MYO15A: variants seen among roughly 807,000 people sequenced by gnomAD.
MYO15A encodes unconventional myosin-XV.
A neutral mutation model predicts 394.6 loss-of-function variants in MYO15A; 308 were observed. That is an observed-to-expected ratio of 0.78 (90% CI 0.71 to 0.86). The LOEUF is 0.86. Ranked by LOEUF, MYO15A falls within the 40% of genes least tolerant of loss-of-function variation. The pLI is 0.00. For synonymous variants in MYO15A, 1,957 were observed against 2,003.8 expected, an observed-to-expected ratio of 0.98 and a Z score of 0.62; for missense variants, 4,606 against 4,799.1, an observed-to-expected ratio of 0.96 and a Z score of 1.19.
chr17:18,163,430 C>T, intron 59 of MYO15A, 109 bp downstream of exon 59: 6 of 1,147,778 alleles, frequency 5.2e-6, no homozygotes, highest in Non-Finnish European at 7.8e-6. Context: ...TGAGCCCTCC[C>T]AGGCTCTCCC....
chr17:18,154,101 A>G, intron 43 of MYO15A, 30 bp from the exon 44 acceptor site: 1 of 1,613,426 alleles, frequency 6.2e-7, no homozygotes, highest in South Asian at 1.1e-5. Context: ...GGGCAGTCGG[A>G]CAGTACCCAC....
At chr17:18,124,455 G>A (rs371831655) in intron 2 of MYO15A, 28 bp from the exon 3 acceptor site, 33 of 1,605,098 alleles carry the variant, frequency 2.1e-5, no homozygotes, top group Admixed American at 3.3e-5. Context: ...CCTTCAACCT[G>A]CAGACACAGC....
chr17:18,136,719 A>G, intron 15 of MYO15A, 33 bp downstream of exon 15: 1 of 1,565,528 alleles, frequency 6.4e-7, no homozygotes, highest in Non-Finnish European at 8.6e-7. Flanking sequence ...GGGGCGGGGG[A>G]CATAGGCAAG....
chr17:18,158,791 T>A (rs951734823), intron 52 of MYO15A, 134 bp from the exon 53 acceptor site: 8 of 1,386,006 alleles, frequency 5.8e-6, no homozygotes, highest in Non-Finnish European at 8.2e-6. Context: ...TGCCTGCCTC[T>A]GGGGGTCTTC....
At chr17:18,157,286 C>T (rs769450241) in intron 50 of MYO15A, 56 bp downstream of exon 50, 73 of 1,552,592 alleles carry the variant, frequency 4.7e-5, no homozygotes, top group South Asian at 4.4e-4. Flanking sequence ...TTCACCCACT[C>T]GTGGTGCAGA....
At chr17:18,139,087 T>A in intron 18 of MYO15A, 151 bp downstream of exon 18, 1 of 1,191,684 alleles carries the variant, frequency 8.4e-7, no homozygotes, top group Non-Finnish European at 1.2e-6. Flanking sequence ...GCAAATTGCT[T>A]AGCCAGTCTG....
Position 18,153,806 on chromosome 17 carries a change from G to A in MYO15A, c.7998G>A (p.Glu2666=). ...CCTCGCGATCGCTGGAGCCCCCTGA[G>A]GAACTCACGCAGACGCGGCTGCACC... ...ALPSRSLEPP[E]ELTQTRLHRL... is the part of the protein sequence containing the mutation. The change falls in exon 43 of 66, where the codon GAG becomes GAA. Residue 2666 remains glutamate, a synonymous_variant. Coordinates refer to ENST00000647165, the MANE Select transcript of MYO15A (RefSeq NM_016239.4). The surrounding 1 kb of genome is among the most constrained non-coding windows in gnomAD (Gnocchi z 4.1). 6.2e-7 allele frequency: 1 copy of A among 1,613,828 alleles called. No individual in the cohort carries two copies. Among genetic ancestry groups the A allele is most frequent in the Non-Finnish European group, 8.5e-7 (1 of 1,180,026 alleles).
rs1471937980 is a variant in MYO15A at position 18,120,626 on chromosome 17, G to A, written c.1826G>A (p.Arg609His). ...GCTGTCAGGGAGGCGGCCTACAAAC[G>A]CTTCGGCTACAAGCTGGCTGGCATG... ...GPAVREAAYK[R>H]FGYKLAGMDP... The change falls in exon 2 of 66, where the codon CGC becomes CAC. Residue 609 changes from arginine (R) to histidine (H), a missense_variant. Physicochemically the swap from Arg to His is conservative, Grantham distance 29. Around this residue, in one of 2 missense-constraint regions of MYO15A, gnomAD observed 1,830 missense variants for 1,689.7 expected, o/e 1.08. Transcript: ENST00000647165. 3.8e-6 allele frequency: 6 copies of A among 1,597,062 alleles called. No individual in the cohort carries two copies. The highest frequency in any genetic ancestry group is 3.4e-6 in the Non-Finnish European group (4 of 1,174,456).
intron 42 of MYO15A, 44 bp downstream of exon 42, chr17:18,152,228 T>C (rs561889635): frequency 8.5e-6 from 13 of 1,530,660 alleles, no homozygotes; most frequent in Non-Finnish European, 1.1e-5. Flanking sequence ...TCCAAGTATA[T>C]GAGGAAGTCT....
In MYO15A at chr17:18,121,605, C is replaced by A; in HGVS notation, c.2805C>A (p.Pro935=). The change falls in exon 2 of 66, where the codon CCC becomes CCA. Residue 935 remains proline, a synonymous_variant. Coordinates refer to ENST00000647165, the MANE Select transcript of MYO15A (RefSeq NM_016239.4). The surrounding 1 kb of genome is among the most constrained non-coding windows in gnomAD (Gnocchi z 5.3). ...LAPSWDVDMP[P]TQRPPSPWPG... Reference sequence around the variant, plus strand: ...CCAGCTGGGACGTGGACATGCCTCCCACCCAACGCCCACCCTCCCCCTGGC... The same window carrying A: ...CCAGCTGGGACGTGGACATGCCTCCAACCCAACGCCCACCCTCCCCCTGGC... 1 of 1,598,366 alleles carries A rather than the reference C, an allele frequency of 6.3e-7. No homozygotes were observed. Among genetic ancestry groups the A allele is most frequent in the East Asian group, 2.3e-5 (1 of 44,384 alleles).
At chr17:18,127,928 G>A (rs2142287265) in intron 7 of MYO15A, among the ~76,000 whole-genome samples, 1 of 151,302 alleles carries the variant, frequency 6.6e-6, no homozygotes, top group South Asian at 2.1e-4. Context: ...AAAAAGTGAA[G>A]AGAAGGGTGG....
intron 1 of MYO15A, among the ~76,000 whole-genome samples, chr17:18,115,988 T>C (rs1018761976): frequency 1.3e-5 from 2 of 152,218 alleles, no homozygotes; most frequent in African/African-American, 2.4e-5. Context: ...CACCCACATA[T>C]GGTAACTGCA....
intron 29 of MYO15A, among the ~76,000 whole-genome samples, chr17:18,144,825 C>G (rs1022833649): frequency 3.4e-5 from 5 of 148,986 alleles, no homozygotes; most frequent in Admixed American, 6.7e-5. Context: ...AAAAATTCTG[C>G]CTTGGAGCCT....
intron 52 of MYO15A, 45 bp downstream of exon 52, chr17:18,158,683 G>A (rs747226995): frequency 7.2e-5 from 116 of 1,601,124 alleles, no homozygotes; most frequent in Non-Finnish European, 9.7e-5. Context: ...GAGGGTGCTG[G>A]GCTTCTTGCT....
intron 18 of MYO15A, chr17:18,139,284 C>T (rs1597789516): frequency 1.6e-6 from 1 of 618,268 alleles, no homozygotes; most frequent in Non-Finnish European, 3.0e-6. Context: ...GATTCCATGC[C>T]TCTGTCCCCA....
Position 18,148,622 on chromosome 17 carries a change from G to C in MYO15A, c.6764+54G>C, listed in dbSNP as rs985719002. On this transcript the variant is annotated intron_variant, in intron 32 of 65. Transcript: ENST00000647165. This position sits in a 1 kb window ranked among gnomAD's most constrained non-coding sequence, Gnocchi z 4.8. ...ACTCTTATGTACCTGGAATGTTGTG[G>C]GGGGAGGTCAGATCCCCCAGAGGGT... 9.0e-6 allele frequency: 14 copies of C among 1,549,412 alleles called. 1 individual carries two copies. In the South Asian group the frequency reaches 1.7e-4, roughly 18 times the overall value.
At chr17:18,167,038 G>T (rs2046864837) in intron 61 of MYO15A, among the ~76,000 whole-genome samples, 1 of 152,170 alleles carries the variant, frequency 6.6e-6, no homozygotes, top group African/African-American at 2.4e-5. Context: ...TTGTGGAACT[G>T]GTGCCAAAAC....
Position 18,150,636 on chromosome 17 carries a change from C to A in MYO15A, c.7328-62C>A, listed in dbSNP as rs2142367719. ...GGAGGCAGCCACAGCATGATGGGGG[C>A]TGAGAGGACAGGGAGGAGGGCATCT... is the stretch of plus-strand genomic sequence containing the variant. On this transcript the variant is annotated intron_variant, in intron 36 of 65. Transcript: ENST00000647165. This position sits in a 1 kb window ranked among gnomAD's most constrained non-coding sequence, Gnocchi z 4.4. The A allele has an allele frequency of 6.2e-7, 1 of 1,604,070 alleles. No homozygotes were observed. Among genetic ancestry groups the A allele is most frequent in the Non-Finnish European group, 8.5e-7 (1 of 1,174,158 alleles).
chr17:18,139,483 A>C, intron 18 of MYO15A, 51 bp from the exon 19 acceptor site: 1 of 1,571,642 alleles, frequency 6.4e-7, no homozygotes, highest in Non-Finnish European at 8.7e-7. Context: ...CTCCTAGGAT[A>C]GACAGAGAGA....
Sources: gnomAD v4.1 joint callset for allele counts (sites outside exome capture counted in the v4.1 genomes callset) on GRCh38, gnomAD v4.1.1 for gene constraint, gnomAD v4.1.1 regional missense constraint, Gnocchi (gnomAD v3.1) non-coding constraint, MANE v1.5 for transcripts, NCBI Gene and HGNC (gene_info 2026-07-23, HGNC 2026-07-21) for gene names.